Variants in MLIP observed in about 807,000 individuals in gnomAD.
The protein encoded by MLIP is muscular LMNA-interacting protein.
A neutral mutation model predicts 84.8 loss-of-function variants in MLIP; 79 were observed. The ratio of observed to expected loss-of-function variants is 0.93; its 90% CI spans 0.78 to 1.12. MLIP has a LOEUF of 1.12. MLIP is among the 50% of genes most tolerant of loss of function. The probability of loss-of-function intolerance (pLI) is 0.00; values close to 1 mark genes in which losing one functional copy is unlikely to be tolerated. For missense variants in MLIP, 1,257 were observed against 1,160.6 expected (o/e 1.08, Z -1.21); for synonymous variants, 504 against 463.0 (o/e 1.09, Z -1.14).
At chr6:54,039,220 CATCTTGG>C (rs1479593283) in intron 1 of MLIP, among the ~76,000 whole-genome samples, 1 of 151,914 alleles carries the variant, frequency 6.6e-6, no homozygotes, top group Non-Finnish European at 1.5e-5. Flanking sequence ...GTTTGACTTT[CATCTTGG>C]TTTCCTGGGT....
intron 2 of MLIP, among the ~76,000 whole-genome samples, chr6:54,122,827 T>A (rs1187895586): frequency 2.0e-5 from 3 of 152,242 alleles, no homozygotes; most frequent in African/African-American, 4.8e-5. Context: ...ATAATATTTA[T>A]CTGCTGATTG....
intron 1 of MLIP, among the ~76,000 whole-genome samples, chr6:54,086,714 C>G (rs1379493325): frequency 2.0e-5 from 3 of 152,190 alleles, no homozygotes; most frequent in East Asian, 3.8e-4. Context: ...GCCACACCAG[C>G]CTCTGTTCTT....
chr6:54,159,544 A>C (rs960956829), intron 5 of MLIP, among the ~76,000 whole-genome samples: 2 of 152,050 alleles, frequency 1.3e-5, no homozygotes, highest in Admixed American at 1.3e-4. Context: ...ATATGGCACT[A>C]GGTTGGTTTC....
At chr6:54,036,766 T>C (rs973833549) in intron 1 of MLIP, among the ~76,000 whole-genome samples, 5 of 151,928 alleles carry the variant, frequency 3.3e-5, no homozygotes, top group African/African-American at 1.2e-4. Flanking sequence ...AATCAGTAGG[T>C]CAAAGAGATA....
At chr6:54,215,066 CTT>C (rs1376109878) in intron 11 of MLIP, 1 of 1,114,032 alleles carries the variant, frequency 9.0e-7, no homozygotes, top group Admixed American at 2.1e-5. Flanking sequence ...TGGTCTCTGC[CTT>C]TTTGCTCCTA....
At chr6:54,033,255 T>C (rs1764240332) in intron 1 of MLIP, among the ~76,000 whole-genome samples, 1 of 151,694 alleles carries the variant, frequency 6.6e-6, no homozygotes, top group Admixed American at 6.6e-5. Flanking sequence ...CATTTTGCAG[T>C]TGGAGGAACT....
chr6:54,117,493 C>T (rs899881261), intron 1 of MLIP, among the ~76,000 whole-genome samples: 8 of 151,216 alleles, frequency 5.3e-5, no homozygotes, highest in Admixed American at 3.3e-4. Context: ...GGATTACAGG[C>T]GTGAGCCACC....
At chr6:54,155,046 C>T (rs888475035) in intron 5 of MLIP, among the ~76,000 whole-genome samples, 2 of 152,148 alleles carry the variant, frequency 1.3e-5, no homozygotes, top group Non-Finnish European at 2.9e-5. Flanking sequence ...AAACATTTAA[C>T]TTTCCAAAGC....
At position 54,266,031 on chromosome 6, in the gene MLIP, CTT is replaced by C. The variant is rs67803711; in HGVS notation, c.*89_*90del. On this transcript the variant is annotated 3_prime_UTR_variant, in exon 14 of 14. Transcript: ENST00000502396. ...GGTGCTAACCACTTGCTAGATTTAACTTTTTTTTTTTTTTCCAGAATGAGTGC... is the reference window on the plus strand; with the variant it reads ...GGTGCTAACCACTTGCTAGATTTAACTTTTTTTTTTTTCCAGAATGAGTGC... 12,202 of 1,189,484 alleles carry C rather than the reference CTT, an allele frequency of 0.01. 138 individuals carry two copies. The highest frequency in any genetic ancestry group is 0.085 in the African/African-American group (5,289 of 62,306). 73.7% of individuals were successfully genotyped at this position (1,189,484 alleles called of 1,614,324 possible). A position where few individuals can be genotyped will look rare whatever the true frequency, so the allele number is the denominator to read the frequency against.
chr6:54,204,323 A>G (rs1434923793), intron 11 of MLIP, among the ~76,000 whole-genome samples: 1 of 152,174 alleles, frequency 6.6e-6, no homozygotes, highest in East Asian at 1.9e-4. Context: ...ACATTTTTTT[A>G]TCATTAACAA....
intron 1 of MLIP, among the ~76,000 whole-genome samples, chr6:54,025,629 T>C (rs1204731810): frequency 6.6e-6 from 1 of 152,164 alleles, no homozygotes; most frequent in Non-Finnish European, 1.5e-5. Context: ...TAGCAATGAC[T>C]CTTGCTGTGT....
intron 12 of MLIP, among the ~76,000 whole-genome samples, chr6:54,247,760 C>A (rs939997198): frequency 3.3e-5 from 5 of 152,042 alleles, no homozygotes; most frequent in African/African-American, 4.8e-5. Flanking sequence ...GCCAACCAAC[C>A]ACATACCCTC....
chr6:54,251,476 C>A, intron 12 of MLIP, among the ~76,000 whole-genome samples: 9 of 113,564 alleles, frequency 7.9e-5, no homozygotes, highest in African/African-American at 2.4e-4. Context: ...ATCTGTCTCT[C>A]CATATGAGAC....
At chr6:54,056,020 A>G (rs1483199697) in intron 1 of MLIP, among the ~76,000 whole-genome samples, 1 of 152,144 alleles carries the variant, frequency 6.6e-6, no homozygotes, top group African/African-American at 2.4e-5. Context: ...AATATTTTAA[A>G]ACTTCTCTAC....
At chr6:54,052,833 T>C (rs1765449539) in intron 1 of MLIP, among the ~76,000 whole-genome samples, 1 of 152,164 alleles carries the variant, frequency 6.6e-6, no homozygotes, top group African/African-American at 2.4e-5. Flanking sequence ...TGAATCTCTA[T>C]TGGTTTCTAA....
At chr6:54,152,643 T>C (rs972248288) in intron 5 of MLIP, among the ~76,000 whole-genome samples, 1 of 152,098 alleles carries the variant, frequency 6.6e-6, no homozygotes, top group Non-Finnish European at 1.5e-5. Flanking sequence ...ACAATTCAAA[T>C]TGAGATTTGG....
chr6:54,264,384 T>A (rs1238334807), intron 13 of MLIP, among the ~76,000 whole-genome samples: 1 of 152,044 alleles, frequency 6.6e-6, no homozygotes, highest in Non-Finnish European at 1.5e-5. Context: ...TAAGACAAAC[T>A]AAGTAATGGC....
At position 54,171,223 on chromosome 6, in the gene MLIP, A is replaced by G. The variant is rs544586976; in HGVS notation, c.2544+1651A>G. Among the ~76,000 whole-genome samples the G allele has an allele frequency of 3.3e-5, 5 of 151,624 alleles. 1 individual carries two copies. In the South Asian group the frequency reaches 1.0e-3, roughly 31 times the overall value. On this transcript the variant is annotated intron_variant, in intron 9 of 13. Coordinates refer to ENST00000502396, the MANE Select transcript of MLIP (RefSeq NM_001281747.2). ...TTTCAATCAACTATCAGATTTAATT[A>G]AAGTAGGTTAACTTTCATGCCCTTA...
intron 1 of MLIP, among the ~76,000 whole-genome samples, chr6:54,052,423 G>T (rs901360206): frequency 6.6e-6 from 1 of 152,070 alleles, no homozygotes; most frequent in Non-Finnish European, 1.5e-5. Context: ...CTGCAATTCT[G>T]GTAAGGAAAG....
Sources: allele counts gnomAD v4.1 joint callset (sites outside exome capture counted in the v4.1 genomes callset), GRCh38; gene constraint gnomAD v4.1.1; transcripts MANE v1.5; gene names NCBI Gene and HGNC (gene_info 2026-07-23, HGNC 2026-07-21).